PXMP4: variants seen among roughly 807,000 people sequenced by gnomAD.
PXMP4 encodes the protein peroxisomal membrane protein 4.
A neutral mutation model predicts 21.6 loss-of-function variants in PXMP4; 16 were observed. The ratio of observed to expected loss-of-function variants is 0.74; its 90% CI spans 0.50 to 1.13. The LOEUF is 1.13. Among genes scored for constraint, PXMP4 ranks in the 50% most tolerant of loss-of-function variants. The pLI, the probability that PXMP4 is intolerant of heterozygous loss-of-function variation, is 0.00. For synonymous variants in PXMP4, 127 were observed against 123.8 expected (o/e 1.03, Z -0.17); for missense variants, 240 against 277.7 (o/e 0.86, Z 0.96).
chr20:33,711,062 C>T (rs1485503537), intron 2 of PXMP4, among the ~76,000 whole-genome samples: 2 of 152,174 alleles, frequency 1.3e-5, no homozygotes, highest in Non-Finnish European at 2.9e-5. Flanking sequence ...CTTCCCTCAC[C>T]CCAGTAGCAG....
At position 33,704,156 on chromosome 20, in the gene PXMP4, T is replaced by G. The variant is rs1301971758; in HGVS notation, c.*3550A>C. ...TATTTCTATTATTATTACCTTGTAA[T>G]ATATAATGAAATAATTGTACAACAC... On this transcript the variant is annotated 3_prime_UTR_variant, in exon 4 of 4. Coordinates refer to ENST00000409299, the MANE Select transcript of PXMP4 (RefSeq NM_007238.5). 6.5e-6 allele frequency: 1 copy of G among 152,898 alleles called. No individual in the cohort carries two copies. The highest frequency in any genetic ancestry group is 1.5e-5 in the Non-Finnish European group (1 of 68,600). 9.5% of individuals were successfully genotyped at this position (152,898 alleles called of 1,614,324 possible).
chr20:33,714,438 G>C lies in PXMP4; in HGVS notation c.176+236C>G, dbSNP rs186999024. Among the ~76,000 whole-genome samples, 394 of 152,136 alleles carry C rather than the reference G, an allele frequency of 2.6e-3. 3 individuals carry two copies. The highest frequency in any genetic ancestry group is 8.9e-3 in the African/African-American group (369 of 41,468). ...GGAGACTGAAGCAGGAGAATCGCTT[G>C]AACCCCAGAGGCGGAGGTTGCAGTG... On this transcript the variant is annotated intron_variant, in intron 2 of 3. Transcript: ENST00000409299.
In PXMP4 at chr20:33,720,153, G is replaced by A. The variant is rs1340859014; in HGVS notation, c.55C>T (p.Arg19Cys). 4 of 1,613,414 alleles carry A rather than the reference G, an allele frequency of 2.5e-6. No homozygotes were observed. Among genetic ancestry groups the A allele is most frequent in the Non-Finnish European group, 3.4e-6 (4 of 1,179,920 alleles). The change falls in exon 1 of 4, where the codon CGC (arginine) becomes TGC (cysteine). Residue 19 changes from arginine (R) to cysteine (C), a missense_variant. Arg to Cys is a radical substitution (Grantham distance 180). Coordinates refer to ENST00000409299, the MANE Select transcript of PXMP4 (RefSeq NM_007238.5). ...AACGCAGCGTGGTAGCGGCGCTTGCGCAGCAGTGCGTTGACGACTACGAGC... is the reference window on the plus strand; with the variant it reads ...AACGCAGCGTGGTAGCGGCGCTTGCACAGCAGTGCGTTGACGACTACGAGC... ...ALLVVVNALL[R>C]KRRYHAALAV...
rs1399791416 is a variant in PXMP4 at position 33,707,798 on chromosome 20, G to A, written c.547C>T (p.Gln183Ter). The A allele has an allele frequency of 1.2e-6, 2 of 1,614,094 alleles. No homozygotes were observed. Among genetic ancestry groups the A allele is most frequent in the Non-Finnish European group, 8.5e-7 (1 of 1,180,040 alleles). Residue 183 changes from glutamine to a stop codon, truncating the protein, a stop_gained, in exon 4 of 4, where the codon CAG (glutamine) becomes TAG (stop). Coordinates refer to ENST00000409299, the MANE Select transcript of PXMP4 (RefSeq NM_007238.5). LOFTEE classifies it high-confidence loss of function. Reference protein sequence around the residue: ...YHRSTLQPSLQSSMTYLYEDS... With the variant: ...YHRSTLQPSL ...TCATAGAGGTAGGTCATGGAGGACT[G>A]CAGCGAGGGCTGCAGGGTGGATCGG...
chr20:33,712,535 T>C (rs2018339367), intron 2 of PXMP4, among the ~76,000 whole-genome samples: 1 of 152,086 alleles, frequency 6.6e-6, no homozygotes, highest in Admixed American at 6.6e-5. Flanking sequence ...CTGCAACCTC[T>C]TCCTCCTGGG....
chr20:33,718,368 G>A (rs997595929), intron 1 of PXMP4, among the ~76,000 whole-genome samples: 1 of 151,726 alleles, frequency 6.6e-6, no homozygotes, highest in African/African-American at 2.4e-5. Context: ...AAAATTAGCC[G>A]GGCGTGGTGG....
At chr20:33,708,556 A>C (rs1251451492) in intron 3 of PXMP4, among the ~76,000 whole-genome samples, 1 of 151,490 alleles carries the variant, frequency 6.6e-6, no homozygotes, top group African/African-American at 2.4e-5. Flanking sequence ...AAAAAAAAAA[A>C]CTTTAGAGAT....
intron 1 of PXMP4, among the ~76,000 whole-genome samples, chr20:33,717,083 C>T (rs1423160709): frequency 6.6e-6 from 1 of 152,016 alleles, no homozygotes; most frequent in African/African-American, 2.4e-5. Flanking sequence ...GAGGCTGAGG[C>T]AGGAGAATCT....
Position 33,714,719 on chromosome 20 carries a change from C to G in PXMP4, c.131G>C (p.Arg44Pro). ...GGTCATGACCAGCGCGTGAGGGGCC[C>G]GGATTTTGGCTCCATAGCTGTAGAA... The part of the protein sequence containing the change: ...RNGAVYGAKI[R>P]APHALVMTFL... The change falls in exon 2 of 4, where the codon CGG becomes CCG. Residue 44 changes from arginine to proline, a missense_variant. By Grantham distance (103) the Arg-to-Pro change is moderately radical. Coordinates refer to ENST00000409299, the MANE Select transcript of PXMP4 (RefSeq NM_007238.5). 3.1e-6 allele frequency: 5 copies of G among 1,613,984 alleles called. No individual in the cohort carries two copies. Among genetic ancestry groups the G allele is most frequent in the Non-Finnish European group, 4.2e-6 (5 of 1,179,950 alleles).
chr20:33,705,926 CTTTTT>C lies in PXMP4; in HGVS notation c.*1775_*1779del, dbSNP rs201715023. On this transcript the variant is annotated 3_prime_UTR_variant, in exon 4 of 4. Coordinates refer to ENST00000409299, the MANE Select transcript of PXMP4 (RefSeq NM_007238.5). ...TCTGATTCTCAGTTTCTTTTCTTTTCTTTTTTTATTTTTTTTTTAGACACAGTCTC... is the reference window on the plus strand; with the variant it reads ...TCTGATTCTCAGTTTCTTTTCTTTTCTTATTTTTTTTTTAGACACAGTCTC... 5.3e-5 allele frequency: 8 copies of C among 151,928 alleles called. No homozygotes were observed. Among genetic ancestry groups the C allele is most frequent in the East Asian group, 3.9e-4 (2 of 5,140 alleles). 9.4% of individuals were successfully genotyped at this position (151,928 alleles called of 1,614,324 possible).
intron 1 of PXMP4, among the ~76,000 whole-genome samples, chr20:33,719,091 T>C (rs1174758691): frequency 6.6e-6 from 1 of 152,228 alleles, no homozygotes; most frequent in Admixed American, 6.5e-5. Flanking sequence ...AAACGGGGTT[T>C]TGCCATGTTG....
rs2018272587 is a variant in PXMP4 at position 33,707,680 on chromosome 20, C to A, written c.*26G>T. 1 of 1,605,556 alleles carries A rather than the reference C, an allele frequency of 6.2e-7. No individual in the cohort carries two copies. Among genetic ancestry groups the A allele is most frequent in the Non-Finnish European group, 8.5e-7 (1 of 1,174,158 alleles). ...GGTCTGCATGGGGCCAAATCTTGAG[C>A]CACAGCCAGACACCTCAGGGCTGCA... On this transcript the variant is annotated 3_prime_UTR_variant, in exon 4 of 4. Coordinates refer to ENST00000409299, the MANE Select transcript of PXMP4 (RefSeq NM_007238.5).
intron 2 of PXMP4, 96 bp from the exon 3 acceptor site, chr20:33,710,849 C>G (rs982358293): frequency 3.3e-6 from 4 of 1,213,008 alleles, no homozygotes; most frequent in East Asian, 5.2e-5. Context: ...CCAAGGAGCT[C>G]GGAGTAATGC....
In PXMP4 at chr20:33,706,665, C is replaced by A. The variant is rs1704579691; in HGVS notation, c.*1041G>T. The A allele has an allele frequency of 6.6e-6, 1 of 152,064 alleles. No homozygotes were observed. The highest frequency in any genetic ancestry group is 2.4e-5 in the African/African-American group (1 of 41,398). The allele number at this position is 152,064 out of a possible 1,614,324, so 9.4% of individuals were successfully genotyped here. ...CCCATGTCCTCTAGCTCTAGATCTG[C>A]ACTGTCCACTAGAATAATCTGTGAG... On this transcript the variant is annotated 3_prime_UTR_variant, in exon 4 of 4. Coordinates refer to ENST00000409299, the MANE Select transcript of PXMP4 (RefSeq NM_007238.5).
intron 2 of PXMP4, among the ~76,000 whole-genome samples, chr20:33,714,095 G>A (rs1166125532): frequency 1.3e-5 from 2 of 152,236 alleles, no homozygotes; most frequent in African/African-American, 2.4e-5. Flanking sequence ...GAATGGCAGC[G>A]AGTTCTGTGT....
rs1165270661 is a variant in PXMP4 at position 33,712,194 on chromosome 20, T to C, written c.177-1441A>G. Among the ~76,000 whole-genome samples the C allele has an allele frequency of 3.3e-5, 5 of 152,144 alleles. No homozygotes were observed. In the East Asian group the frequency reaches 9.6e-4, roughly 29 times the overall value. ...CACCCCGCGCAAACACAGGCCCCAG[T>C]GTTGCCAGTTCTAAGGCAGGAAAGC... On this transcript the variant is annotated intron_variant, in intron 2 of 3. Coordinates refer to ENST00000409299, the MANE Select transcript of PXMP4 (RefSeq NM_007238.5).
At chr20:33,713,673 CAT>C (rs11468431) in intron 2 of PXMP4, among the ~76,000 whole-genome samples, 1,756 of 152,192 alleles carry the variant, frequency 0.012, 21 homozygotes, top group Non-Finnish European at 0.015. Flanking sequence ...TGAATGAACA[CAT>C]GAGTTCAGTT....
At chr20:33,717,660 T>TAAAAAA (rs2018398410) in intron 1 of PXMP4, among the ~76,000 whole-genome samples, 56 of 108,988 alleles carry the variant, frequency 5.1e-4, no homozygotes, top group African/African-American at 2.0e-3. Flanking sequence ...AAAAAAAAAT[T>TAAAAAA]ATTAAATATT....
At chr20:33,713,292 TATC>T (rs1273118858) in intron 2 of PXMP4, among the ~76,000 whole-genome samples, 1 of 152,200 alleles carries the variant, frequency 6.6e-6, no homozygotes, top group Non-Finnish European at 1.5e-5. Flanking sequence ...AGCAGGATCC[TATC>T]TCAAGGTCTT....
Sources: allele counts gnomAD v4.1 joint callset (sites outside exome capture counted in the v4.1 genomes callset), GRCh38; gene constraint gnomAD v4.1.1; transcripts MANE v1.5; gene names NCBI Gene and HGNC (gene_info 2026-07-23, HGNC 2026-07-21).